Variants in TLE3 observed in about 807,000 individuals in gnomAD.
TLE3 encodes TLE family member 3, transcriptional corepressor.
A neutral mutation model predicts 93.0 loss-of-function variants in TLE3; 14 were observed. The ratio of observed to expected loss-of-function variants is 0.15; its 90% CI spans 0.10 to 0.24. The LOEUF (loss-of-function observed/expected upper bound fraction) is 0.24, where lower values mean the gene tolerates loss of function less well. TLE3 is among the 10% of genes least tolerant of loss of function. TLE3 has a pLI of 1.00. For missense variants in TLE3, 693 were observed against 1,046.6 expected, an observed-to-expected ratio of 0.66 and a Z score of 4.66; for synonymous variants, 451 against 425.0, an observed-to-expected ratio of 1.06 and a Z score of -0.75.
chr15:70,050,045 CAG>C lies in TLE3; in HGVS notation c.*50_*51del. The C allele has an allele frequency of 6.5e-7, 1 of 1,534,096 alleles. No individual in the cohort carries two copies. The highest frequency in any genetic ancestry group is 9.0e-7 in the Non-Finnish European group (1 of 1,108,600). ...GCCCCTCGCCTGGGGGTCTCCCTGT[CAG>C]AGCCGAGTCGGTTTCTCCCAGAGTT... is the stretch of plus-strand genomic sequence containing the variant. On this transcript the variant is annotated 3_prime_UTR_variant, in exon 20 of 20. Coordinates refer to ENST00000451782, the MANE Select transcript of TLE3 (RefSeq NM_001105192.3).
chr15:70,085,734 C>T (rs553051422), intron 4 of TLE3, among the ~76,000 whole-genome samples: 4 of 152,338 alleles, frequency 2.6e-5, no homozygotes, highest in East Asian at 3.9e-4. Context: ...GCATGTCTTT[C>T]GAGCTCTAAA....
chr15:70,078,526 T>C (rs1375717451), intron 4 of TLE3, among the ~76,000 whole-genome samples: 1 of 152,242 alleles, frequency 6.6e-6, no homozygotes, highest in Non-Finnish European at 1.5e-5. Flanking sequence ...GCCCAAAGAA[T>C]AGTATCACTG....
Position 70,096,224 on chromosome 15 carries a change from G to A in TLE3, c.62C>T (p.Thr21Met), listed in dbSNP as rs866930971. 6.4e-7 allele frequency: 1 copy of A among 1,559,878 alleles called. No homozygotes were observed. Among genetic ancestry groups the A allele is most frequent in the Admixed American group, 1.9e-5 (1 of 52,266 alleles). The change falls in exon 2 of 20, where the codon ACG becomes ATG. Residue 21 changes from threonine to methionine, a missense_variant. Thr to Met is a moderately conservative substitution (Grantham distance 81). Transcript: ENST00000451782. ...GATCCTGTCACAAGACTCAGCCACC[G>A]TGAATTTAAATCCCGGCTGCCCGGG... is the stretch of plus-strand genomic sequence containing the variant. ...HQPGQPGFKF[T>M]VAESCDRIKD...
intron 5 of TLE3, among the ~76,000 whole-genome samples, chr15:70,075,590 G>A (rs1046891927): frequency 4.6e-5 from 7 of 152,200 alleles, no homozygotes; most frequent in African/African-American, 1.4e-4. Context: ...CACTAAAGTC[G>A]GCCCGTCTGT....
intron 4 of TLE3, among the ~76,000 whole-genome samples, chr15:70,091,563 T>C (rs1418002013): frequency 6.6e-6 from 1 of 152,150 alleles, no homozygotes; most frequent in African/African-American, 2.4e-5. Flanking sequence ...GCCAGGCCTG[T>C]GATTCTGTAA....
intron 6 of TLE3, 75 bp from the exon 7 acceptor site, chr15:70,066,293 AG>A (rs1024195242): frequency 3.5e-5 from 45 of 1,284,738 alleles, no homozygotes; most frequent in Non-Finnish European, 4.3e-5. Flanking sequence ...GGAGGGAGGG[AG>A]GGAGTGGCTC....
At chr15:70,055,562 T>TACG in intron 14 of TLE3, 1 of 391,694 alleles carries the variant, frequency 2.6e-6, no homozygotes. Context: ...TGTCCTGGAA[T>TACG]GCCCTTTCCC....
intron 4 of TLE3, among the ~76,000 whole-genome samples, chr15:70,084,246 A>G (rs1255375198): frequency 6.6e-6 from 1 of 152,246 alleles, no homozygotes; most frequent in South Asian, 2.1e-4. Context: ...CTCTCAACCA[A>G]TAGTAATTGT....
intron 2 of TLE3, 55 bp from the exon 3 acceptor site, chr15:70,095,696 G>A (rs372457644): frequency 6.5e-6 from 10 of 1,543,662 alleles, no homozygotes; most frequent in African/African-American, 4.1e-5. Flanking sequence ...CCTCCTCTGA[G>A]GCCCCGACCC....
At chr15:70,091,528 G>A (rs1181260280) in intron 4 of TLE3, among the ~76,000 whole-genome samples, 1 of 152,232 alleles carries the variant, frequency 6.6e-6, no homozygotes, top group African/African-American at 2.4e-5. Flanking sequence ...GCTTGGTGGA[G>A]GTGGGTGACC....
intron 4 of TLE3, among the ~76,000 whole-genome samples, chr15:70,089,979 A>C (rs1390982984): frequency 1.3e-5 from 2 of 152,210 alleles, no homozygotes; most frequent in East Asian, 3.8e-4. Context: ...GTTGATCTGT[A>C]AAGTAAGGAC....
chr15:70,096,441 G>C, intron 1 of TLE3, 180 bp from the exon 2 acceptor site: 1 of 1,225,084 alleles, frequency 8.2e-7, no homozygotes, highest in Non-Finnish European at 1.1e-6. Flanking sequence ...TCTCCCCGTC[G>C]GCAGCGGGGC....
intron 9 of TLE3, among the ~76,000 whole-genome samples, chr15:70,060,171 A>T (rs1338975102): frequency 3.3e-5 from 5 of 152,214 alleles, no homozygotes; most frequent in Non-Finnish European, 5.9e-5. Context: ...TGAGAGGACT[A>T]TAGGGTCCAC....
chr15:70,074,736 A>G (rs2057357530), intron 5 of TLE3, 129 bp from the exon 6 acceptor site: 3 of 618,534 alleles, frequency 4.9e-6, no homozygotes, highest in Non-Finnish European at 8.0e-6. Context: ...GAACAGGCAC[A>G]GGGCACAAGT....
At chr15:70,050,629 T>G (rs1296408540) in intron 19 of TLE3, 1 of 163,016 alleles carries the variant, frequency 6.1e-6, no homozygotes, top group Non-Finnish European at 1.4e-5. Context: ...CCACCTGATG[T>G]TTGAAGCATG....
rs150710861 is a variant in TLE3 at position 70,080,204 on chromosome 15, G to C, written c.235-4046C>G. 1.5e-3 allele frequency among the ~76,000 whole-genome samples: 227 copies of C among 152,238 alleles called. 1 individual carries two copies. Among genetic ancestry groups the C allele is most frequent in the African/African-American group, 5.2e-3 (215 of 41,538 alleles). ...ATCGATAAGGCGGCTGTAGTTTCCA[G>C]AGGCCGACCTCCATCCTTCCCTCCA... is the stretch of plus-strand genomic sequence containing the variant. On this transcript the variant is annotated intron_variant, in intron 4 of 19. Coordinates refer to ENST00000451782, the MANE Select transcript of TLE3 (RefSeq NM_001105192.3).
At chr15:70,083,495 T>C (rs994926282) in intron 4 of TLE3, among the ~76,000 whole-genome samples, 1 of 147,916 alleles carries the variant, frequency 6.8e-6, no homozygotes, top group African/African-American at 2.5e-5. Flanking sequence ...ACACTGCCCA[T>C]TCATCCCAGG....
chr15:70,057,415 C>T (rs1225687059), intron 13 of TLE3, 44 bp downstream of exon 13: 3 of 1,542,792 alleles, frequency 1.9e-6, no homozygotes, highest in South Asian at 1.2e-5. Flanking sequence ...TGGCTCCCCA[C>T]ACCACGCCCA....
chr15:70,072,087 C>T (rs1337495578), intron 6 of TLE3, among the ~76,000 whole-genome samples: 2 of 152,166 alleles, frequency 1.3e-5, no homozygotes, highest in Non-Finnish European at 2.9e-5. Context: ...AATGACAGGG[C>T]GATGGCTGCA....
Sources: gnomAD v4.1 joint callset for allele counts (sites outside exome capture counted in the v4.1 genomes callset) on GRCh38, gnomAD v4.1.1 for gene constraint, MANE v1.5 for transcripts, NCBI Gene and HGNC (gene_info 2026-07-23, HGNC 2026-07-21) for gene names.